IMMP2L: variants seen among roughly 807,000 people sequenced by gnomAD.
IMMP2L encodes the protein inner mitochondrial membrane peptidase subunit 2.
IMMP2L carries 18 observed loss-of-function variants against 19.3 expected under a neutral mutation model. The ratio of observed to expected loss-of-function variants is 0.93; its 90% confidence interval spans 0.64 to 1.38. The LOEUF is 1.38. Ranked by LOEUF, IMMP2L falls within the 40% of genes most tolerant of loss-of-function variation. The pLI is 0.00. For missense variants in IMMP2L, 233 were observed against 218.2 expected, an observed-to-expected ratio of 1.07 and a Z score of -0.43; for synonymous variants, 76 against 73.0, an observed-to-expected ratio of 1.04 and a Z score of -0.21.
intron 3 of IMMP2L, among the ~76,000 whole-genome samples, chr7:111,144,840 C>A (rs1173311114): frequency 3.3e-5 from 5 of 151,930 alleles, no homozygotes; most frequent in Admixed American, 2.0e-4. Flanking sequence ...AACAGTCTTG[C>A]AAAGGAGAAA....
chr7:111,411,419 G>A, intron 3 of IMMP2L: 1 of 496,436 alleles, frequency 2.0e-6, no homozygotes, highest in Non-Finnish European at 4.0e-6. Context: ...CATCAAGATG[G>A]CACCACCTCA....
chr7:111,147,186 T>A (rs1803567138), intron 3 of IMMP2L, among the ~76,000 whole-genome samples: 1 of 152,140 alleles, frequency 6.6e-6, no homozygotes, highest in South Asian at 2.1e-4. Context: ...AAATTTTGTT[T>A]CCTCTCAGGT....
At chr7:110,823,349 T>C (rs1803201255) in intron 5 of IMMP2L, among the ~76,000 whole-genome samples, 1 of 152,068 alleles carries the variant, frequency 6.6e-6, no homozygotes, top group Admixed American at 6.6e-5. Flanking sequence ...AGTTTGTCTG[T>C]ATATGTTGAT....
intron 3 of IMMP2L, among the ~76,000 whole-genome samples, chr7:111,049,456 A>G (rs1052431211): frequency 5.3e-5 from 8 of 152,120 alleles, no homozygotes; most frequent in African/African-American, 1.9e-4. Flanking sequence ...TCTAAAAAGT[A>G]TTAAGGGATA....
chr7:110,999,617 A>AC (rs1250812461), intron 3 of IMMP2L, among the ~76,000 whole-genome samples: 1 of 151,912 alleles, frequency 6.6e-6, no homozygotes, highest in Non-Finnish European at 1.5e-5. Context: ...TAAAAAAAAA[A>AC]AAAAAACCAA....
At chr7:110,766,697 T>G (rs1249765709) in intron 5 of IMMP2L, among the ~76,000 whole-genome samples, 3 of 152,122 alleles carry the variant, frequency 2.0e-5, no homozygotes, top group African/African-American at 7.2e-5. Context: ...TTTTTAATCC[T>G]TTTTGAATGG....
intron 1 of IMMP2L, among the ~76,000 whole-genome samples, chr7:111,556,437 T>C (rs1420848269): frequency 1.3e-5 from 2 of 152,082 alleles, no homozygotes; most frequent in Non-Finnish European, 2.9e-5. Context: ...CAATAAAATG[T>C]ATTAAGTAAA....
chr7:111,115,363 A>G (rs1340982925), intron 3 of IMMP2L, among the ~76,000 whole-genome samples: 1 of 152,208 alleles, frequency 6.6e-6, no homozygotes, highest in East Asian at 1.9e-4. Flanking sequence ...AATGCTATTA[A>G]TGAAGTGCTC....
At chr7:111,100,980 T>A (rs753967818) in intron 3 of IMMP2L, among the ~76,000 whole-genome samples, 27 of 151,496 alleles carry the variant, frequency 1.8e-4, no homozygotes, top group Admixed American at 1.4e-3. Flanking sequence ...ATGATGAACA[T>A]TTATAAGTTT....
intron 1 of IMMP2L, among the ~76,000 whole-genome samples, chr7:111,537,131 A>G (rs1347487316): frequency 6.6e-6 from 1 of 152,194 alleles, no homozygotes; most frequent in Non-Finnish European, 1.5e-5. Flanking sequence ...ACGTTTCTGT[A>G]TAGTATCTAT....
chr7:111,036,997 G>A (rs1472159938), intron 3 of IMMP2L, among the ~76,000 whole-genome samples: 1 of 152,114 alleles, frequency 6.6e-6, no homozygotes, highest in African/African-American at 2.4e-5. Flanking sequence ...AAATGTCAAG[G>A]ACCAATAATG....
chr7:110,836,994 C>G (rs538495268), intron 5 of IMMP2L, among the ~76,000 whole-genome samples: 1 of 152,168 alleles, frequency 6.6e-6, no homozygotes, highest in Admixed American at 6.5e-5. Context: ...CCTTTTGAAT[C>G]AGTAATCTCA....
chr7:111,014,154 G>A lies in IMMP2L; in HGVS notation c.240-50589C>T, dbSNP rs576551642. On this transcript the variant is annotated intron_variant, in intron 3 of 5. Coordinates refer to ENST00000405709, the MANE Select transcript of IMMP2L (RefSeq NM_032549.4). ...CGAGGGAGGCAGATCACTTGAGGCC[G>A]GGAGTTTGAGACCAGTCTGGACAAC... Among the ~76,000 whole-genome samples the A allele has an allele frequency of 2.4e-4, 36 of 152,100 alleles. No individual in the cohort carries two copies. The East Asian group carries it at 3.7e-3, about 16-fold the overall frequency.
chr7:111,317,610 G>A (rs1028817345), intron 3 of IMMP2L, among the ~76,000 whole-genome samples: 1 of 152,068 alleles, frequency 6.6e-6, no homozygotes, highest in Admixed American at 6.6e-5. Context: ...AGAGTACATG[G>A]CATTCTATTT....
intron 3 of IMMP2L, among the ~76,000 whole-genome samples, chr7:111,121,272 G>A (rs2129588236): frequency 6.6e-6 from 1 of 152,238 alleles, no homozygotes; most frequent in East Asian, 1.9e-4. Flanking sequence ...TGTCAGATGA[G>A]TAGATTGCAA....
At chr7:110,780,601 T>C (rs1248875127) in intron 5 of IMMP2L, among the ~76,000 whole-genome samples, 2 of 151,608 alleles carry the variant, frequency 1.3e-5, no homozygotes, top group African/African-American at 4.8e-5. Flanking sequence ...TATTACCCCT[T>C]CCCCACGTTG....
intron 5 of IMMP2L, among the ~76,000 whole-genome samples, chr7:110,766,929 T>TA (rs910632647): frequency 6.6e-6 from 1 of 152,094 alleles, no homozygotes; most frequent in Non-Finnish European, 1.5e-5. Context: ...TGAGGAAACT[T>TA]ACAGCAATTT....
At chr7:111,083,138 G>A (rs890976734) in intron 3 of IMMP2L, among the ~76,000 whole-genome samples, 1 of 152,048 alleles carries the variant, frequency 6.6e-6, no homozygotes, top group South Asian at 2.1e-4. Flanking sequence ...TATGTGTATC[G>A]ATCCATTTTG....
At chr7:111,122,679 A>T in intron 3 of IMMP2L, 1 of 975,196 alleles carries the variant, frequency 1.0e-6, no homozygotes, top group Non-Finnish European at 1.5e-6. Context: ...GACAAATGCA[A>T]GCATCTTCCT....
Sources: allele counts gnomAD v4.1 joint callset (sites outside exome capture counted in the v4.1 genomes callset), GRCh38; gene constraint gnomAD v4.1.1; transcripts MANE v1.5; gene names NCBI Gene and HGNC (gene_info 2026-07-23, HGNC 2026-07-21).